TENM1: variants seen among roughly 807,000 people sequenced by gnomAD.
TENM1 encodes the protein teneurin transmembrane protein 1.
A neutral mutation model predicts 174.8 loss-of-function variants in TENM1; 35 were observed. The observed-to-expected ratio is 0.20, with a 90% CI of 0.15 to 0.27. The LOEUF (loss-of-function observed/expected upper bound fraction) is 0.27, where lower values mean the gene tolerates loss of function less well. TENM1 is among the 10% of genes least tolerant of loss of function. The pLI, the probability that TENM1 is intolerant of heterozygous loss-of-function variation, is 1.00. For synonymous variants in TENM1, 781 were observed against 798.7 expected (o/e 0.98, Z 0.37); for missense variants, 1,633 against 2,130.1 (o/e 0.77, Z 4.59).
At chrX:124,475,533 C>T (rs937331629) in intron 22 of TENM1, among the ~76,000 whole-genome samples, 1 of 111,833 alleles carries the variant, frequency 8.9e-6, no homozygotes, top group African/African-American at 3.3e-5. Context: ...CCTCTACCAC[C>T]ATCCAAACCA....
At chrX:124,723,153 T>C (rs923725756) in intron 4 of TENM1, among the ~76,000 whole-genome samples, 3 of 111,624 alleles carry the variant, frequency 2.7e-5, no homozygotes, top group African/African-American at 9.8e-5. Context: ...TACTGCCCCA[T>C]TTCAAAACCC....
chrX:124,455,114 G>C (rs1359143149), intron 22 of TENM1, among the ~76,000 whole-genome samples: 2 of 112,136 alleles, frequency 1.8e-5, no homozygotes, highest in East Asian at 5.6e-4. Flanking sequence ...TAATCCTGAT[G>C]TTTGATTAAT....
At chrX:124,574,530 G>T (rs1476077805) in intron 11 of TENM1, among the ~76,000 whole-genome samples, 3 of 111,124 alleles carry the variant, frequency 2.7e-5, no homozygotes, top group African/African-American at 9.8e-5. Flanking sequence ...ATATTCACTT[G>T]CCCAGCATCT....
intron 3 of TENM1, among the ~76,000 whole-genome samples, chrX:124,786,390 C>T (rs757022478): frequency 2.7e-5 from 3 of 111,679 alleles, no homozygotes; most frequent in African/African-American, 6.5e-5. Context: ...TGTAGTAAAT[C>T]GTTTCACAAA....
At chrX:124,847,967 A>C (rs1226533556) in intron 3 of TENM1, among the ~76,000 whole-genome samples, 1 of 111,486 alleles carries the variant, frequency 9.0e-6, no homozygotes, top group East Asian at 2.8e-4. Flanking sequence ...GTAATCTGAT[A>C]GATAACCTAG....
chrX:124,508,091 C>T (rs1304251024), intron 18 of TENM1, among the ~76,000 whole-genome samples: 2 of 111,846 alleles, frequency 1.8e-5, no homozygotes, highest in Non-Finnish European at 3.8e-5. Context: ...AGACAAAAAA[C>T]CGAAAGAACC....
At chrX:124,530,828 A>T (rs1483704318) in intron 15 of TENM1, among the ~76,000 whole-genome samples, 1 of 112,424 alleles carries the variant, frequency 8.9e-6, no homozygotes, top group Non-Finnish European at 1.9e-5. Context: ...CTAGTCCCTA[A>T]ATAGGGCTCT....
the TENM1 span, among the ~76,000 whole-genome samples, chrX:124,969,709 A>C: frequency 9.0e-6 from 1 of 111,652 alleles, no homozygotes; most frequent in Non-Finnish European, 1.9e-5. Flanking sequence ...CAGGACTGAG[A>C]TTTCAATTCC....
the TENM1 span, among the ~76,000 whole-genome samples, chrX:125,182,666 C>T: frequency 9.0e-6 from 1 of 111,555 alleles, no homozygotes. Context: ...AGCACAGTCC[C>T]CAACTCTCTA....
chrX:124,487,674 G>A (rs1020554736), intron 20 of TENM1, among the ~76,000 whole-genome samples: 2 of 111,386 alleles, frequency 1.8e-5, no homozygotes, highest in Non-Finnish European at 3.8e-5. Context: ...ATTGAACTAG[G>A]GGTTGAAGAA....
At chrX:125,140,355 G>T in the TENM1 span, among the ~76,000 whole-genome samples, 1 of 111,895 alleles carries the variant, frequency 8.9e-6, no homozygotes, top group South Asian at 3.7e-4. Context: ...AATTTCACAT[G>T]TTCTCACTCA....
the TENM1 span, among the ~76,000 whole-genome samples, chrX:124,985,618 G>A: frequency 8.9e-6 from 1 of 112,168 alleles, no homozygotes; most frequent in East Asian, 2.8e-4. Context: ...TCTTTTGGCA[G>A]TGGGGTCAGT....
the TENM1 span, among the ~76,000 whole-genome samples, chrX:125,183,726 A>C: frequency 8.9e-6 from 1 of 111,890 alleles, no homozygotes; most frequent in African/African-American, 3.2e-5. Context: ...ACTAGTACGC[A>C]TGGAGTGAGT....
chrX:124,705,025 C>T, exon 5 of TENM1: 3 of 1,205,111 alleles, frequency 2.5e-6, no homozygotes, highest in Middle Eastern at 2.3e-4. Context: ...ATCACATAGG[C>T]TAGTAACAAG....
intron 22 of TENM1, among the ~76,000 whole-genome samples, chrX:124,461,325 A>G (rs1038792994): frequency 8.9e-6 from 1 of 112,086 alleles, no homozygotes. Context: ...ACTACAAAAA[A>G]TGGAATGAAG....
At chrX:124,635,450 G>T (rs1477381205) in intron 11 of TENM1, among the ~76,000 whole-genome samples, 1 of 112,405 alleles carries the variant, frequency 8.9e-6, no homozygotes, top group Non-Finnish European at 1.9e-5. Flanking sequence ...CAAATAGTAT[G>T]TTGAAAAGAA....
intron 25 of TENM1, among the ~76,000 whole-genome samples, chrX:124,416,249 C>A (rs1047303046): frequency 9.0e-6 from 1 of 111,595 alleles, no homozygotes; most frequent in Non-Finnish European, 1.9e-5. Context: ...ACCGTCACTC[C>A]CCATTCATTC....
At chrX:124,825,733 T>C (rs1363991947) in intron 3 of TENM1, among the ~76,000 whole-genome samples, 1 of 112,235 alleles carries the variant, frequency 8.9e-6, no homozygotes, top group Non-Finnish European at 1.9e-5. Flanking sequence ...CATGCATCGA[T>C]ACTTAATAGG....
At chrX:124,807,892 CA>C (rs2055653062) in intron 3 of TENM1, among the ~76,000 whole-genome samples, 2 of 109,024 alleles carry the variant, frequency 1.8e-5, no homozygotes, top group Non-Finnish European at 3.8e-5. Flanking sequence ...CACACACACA[CA>C]CACACACACA....
Sources: allele counts gnomAD v4.1 joint callset (sites outside exome capture counted in the v4.1 genomes callset), GRCh38; gene constraint gnomAD v4.1.1; transcripts MANE v1.5; gene names NCBI Gene and HGNC (gene_info 2026-07-23, HGNC 2026-07-21).